Variants in SBF2 observed in about 807,000 individuals in gnomAD.
The protein encoded by SBF2 is SET binding factor 2.
A neutral mutation model predicts 225.2 loss-of-function variants in SBF2; 112 were observed. The ratio of observed to expected loss-of-function variants is 0.50; its 90% CI spans 0.43 to 0.58. The LOEUF is 0.58. SBF2 is among the 20% of genes least tolerant of loss of function. The pLI, the probability that SBF2 is intolerant of heterozygous loss-of-function variation, is 0.00. For synonymous variants in SBF2, 763 were observed against 773.3 expected (o/e 0.99, Z 0.22); for missense variants, 1,996 against 2,206.2 (o/e 0.90, Z 1.91).
At chr11:10,249,808 G>C in intron 1 of SBF2, among the ~76,000 whole-genome samples, 1 of 101,780 alleles carries the variant, frequency 9.8e-6, no homozygotes, top group African/African-American at 3.7e-5. Context: ...CATAGCATTG[G>C]AATGCTATGG....
intron 17 of SBF2, among the ~76,000 whole-genome samples, chr11:9,890,079 T>C (rs1198619189): frequency 6.6e-6 from 1 of 152,102 alleles, no homozygotes; most frequent in Admixed American, 6.6e-5. Flanking sequence ...AATTTTTGTA[T>C]TTTTAGTAGA....
chr11:10,259,176 G>A (rs1211698104), intron 1 of SBF2, among the ~76,000 whole-genome samples: 1 of 152,118 alleles, frequency 6.6e-6, no homozygotes, highest in East Asian at 1.9e-4. Context: ...TGTGTGAAAT[G>A]AAGTAGTACA....
At chr11:10,260,702 C>CAAA (rs56816687) in intron 1 of SBF2, among the ~76,000 whole-genome samples, 1 of 60,862 alleles carries the variant, frequency 1.6e-5, no homozygotes, top group Non-Finnish European at 3.5e-5. Context: ...GATTCCATCT[C>CAAA]AAAAAAAAAA....
intron 8 of SBF2, among the ~76,000 whole-genome samples, chr11:9,999,597 C>G (rs892930604): frequency 2.6e-5 from 4 of 152,116 alleles, no homozygotes; most frequent in African/African-American, 9.6e-5. Context: ...GCTAGGATTA[C>G]AGGTGTGGGC....
intron 2 of SBF2, among the ~76,000 whole-genome samples, chr11:10,124,117 A>G (rs1465985517): frequency 6.6e-6 from 1 of 152,128 alleles, no homozygotes; most frequent in African/African-American, 2.4e-5. Context: ...GCAGCTTCTC[A>G]TGGTTTCTGG....
intron 1 of SBF2, among the ~76,000 whole-genome samples, chr11:10,255,876 T>G (rs987822464): frequency 6.6e-6 from 1 of 152,214 alleles, no homozygotes; most frequent in Non-Finnish European, 1.5e-5. Context: ...GGAAACTATG[T>G]CAAAACAGGA....
chr11:9,888,838 G>A lies in SBF2; in HGVS notation c.1929+7105C>T, dbSNP rs552903874. On this transcript the variant is annotated intron_variant, in intron 17 of 39. Coordinates refer to ENST00000256190, the MANE Select transcript of SBF2 (RefSeq NM_030962.4). ...TCCTGTTCTGACATTTACTAGCTAGGTAGTATAGATTCTTTCCAAGCCACA... is the reference window on the plus strand; with the variant it reads ...TCCTGTTCTGACATTTACTAGCTAGATAGTATAGATTCTTTCCAAGCCACA... 9.2e-5 allele frequency among the ~76,000 whole-genome samples: 14 copies of A among 152,308 alleles called. No homozygotes were observed. In the South Asian group the frequency reaches 1.0e-3, roughly 11 times the overall value.
At chr11:10,004,225 C>T (rs1014237626) in intron 6 of SBF2, among the ~76,000 whole-genome samples, 1 of 152,000 alleles carries the variant, frequency 6.6e-6, no homozygotes, top group Non-Finnish European at 1.5e-5. Context: ...AATCTAAATA[C>T]AATTTTCAAG....
chr11:10,063,856 C>CACACAGAGAGAGAGAGAGAGAG (rs1555006926), intron 2 of SBF2, among the ~76,000 whole-genome samples: 26 of 125,610 alleles, frequency 2.1e-4, no homozygotes, highest in Non-Finnish European at 4.3e-4. Context: ...CACACACACA[C>CACACAGAGAGAGAGAGAGAGAG]ACAGAGAGAG....
rs1564876896 is a variant in SBF2 at position 9,813,223 on chromosome 11, T to C, written c.3979-515A>G. Among the ~76,000 whole-genome samples, 4 of 152,220 alleles carry C rather than the reference T, an allele frequency of 2.6e-5. No individual in the cohort carries two copies. In the South Asian group the frequency reaches 6.2e-4, roughly 24 times the overall value. On this transcript the variant is annotated intron_variant, in intron 29 of 39. Coordinates refer to ENST00000256190, the MANE Select transcript of SBF2 (RefSeq NM_030962.4). ...ATATGCACATATTTGTTTCTTATTA[T>C]GCAAGTAAAACATATTCATAATAAA...
chr11:10,026,766 A>T (rs1216678279), intron 6 of SBF2, among the ~76,000 whole-genome samples: 1 of 151,968 alleles, frequency 6.6e-6, no homozygotes, highest in Non-Finnish European at 1.5e-5. Flanking sequence ...TAATTTCCAA[A>T]AGTTTATGGA....
chr11:10,102,854 CT>C (rs1433573287), intron 2 of SBF2, among the ~76,000 whole-genome samples: 1 of 151,960 alleles, frequency 6.6e-6, no homozygotes, highest in Non-Finnish European at 1.5e-5. Flanking sequence ...AAAATCTTAC[CT>C]TATGGTAAAA....
chr11:10,127,426 A>G (rs1953807763), intron 2 of SBF2, among the ~76,000 whole-genome samples: 2 of 152,044 alleles, frequency 1.3e-5, no homozygotes. Flanking sequence ...AGTCATGCTA[A>G]TTCCTCCAAT....
At chr11:10,236,413 T>G (rs143840392) in intron 1 of SBF2, among the ~76,000 whole-genome samples, 1 of 152,316 alleles carries the variant, frequency 6.6e-6, no homozygotes, top group Admixed American at 6.5e-5. Flanking sequence ...CTGTGAGCTA[T>G]GATTACACCA....
chr11:10,175,087 G>A (rs1371226785), intron 2 of SBF2, among the ~76,000 whole-genome samples: 1 of 151,336 alleles, frequency 6.6e-6, no homozygotes, highest in Admixed American at 6.6e-5. Context: ...TCGAGACTAG[G>A]AAGAAACTGC....
chr11:9,908,707 G>GAAA, intron 16 of SBF2, among the ~76,000 whole-genome samples: 1 of 152,104 alleles, frequency 6.6e-6, no homozygotes, highest in Non-Finnish European at 1.5e-5. Flanking sequence ...TGTTGTTGTT[G>GAAA]TTTTAGAAAG....
At chr11:9,861,812 T>C (rs1374949866) in intron 17 of SBF2, among the ~76,000 whole-genome samples, 1 of 152,146 alleles carries the variant, frequency 6.6e-6, no homozygotes, top group Non-Finnish European at 1.5e-5. Flanking sequence ...GCCCAAATTT[T>C]TGAATTAGAT....
At chr11:9,939,017 A>G (rs1865080563) in intron 16 of SBF2, among the ~76,000 whole-genome samples, 1 of 152,198 alleles carries the variant, frequency 6.6e-6, no homozygotes, top group Non-Finnish European at 1.5e-5. Flanking sequence ...AAAAAAGGCA[A>G]AAAGTATACA....
chr11:10,022,127 C>A (rs1387108768), intron 6 of SBF2, among the ~76,000 whole-genome samples: 1 of 152,178 alleles, frequency 6.6e-6, no homozygotes, highest in African/African-American at 2.4e-5. Flanking sequence ...CTAGTGCATT[C>A]TTTCATTTAT....
Sources: gnomAD v4.1 joint callset for allele counts (sites outside exome capture counted in the v4.1 genomes callset) on GRCh38, gnomAD v4.1.1 for gene constraint, MANE v1.5 for transcripts, NCBI Gene and HGNC (gene_info 2026-07-23, HGNC 2026-07-21) for gene names.